The following IQGAP3 variants were observed in gnomAD, a reference collection of about 807,000 sequenced individuals.
IQGAP3 encodes ras GTPase-activating-like protein IQGAP3.
A neutral mutation model predicts 208.2 loss-of-function variants in IQGAP3; 165 were observed. The ratio of observed to expected loss-of-function variants is 0.79; its 90% CI spans 0.70 to 0.90. The LOEUF is 0.90. Among genes scored for constraint, IQGAP3 ranks in the 40% least tolerant of loss-of-function variants. IQGAP3 has a pLI of 0.00. For synonymous variants in IQGAP3, 703 were observed against 803.6 expected, an observed-to-expected ratio of 0.87 and a Z score of 2.12; for missense variants, 1,811 against 2,043.1, an observed-to-expected ratio of 0.89 and a Z score of 2.19.
intron 13 of IQGAP3, 34 bp downstream of exon 13, chr1:156,554,201 C>G: frequency 6.4e-7 from 1 of 1,567,154 alleles, no homozygotes. Flanking sequence ...TTCCCCCATC[C>G]CTCACTCCCA....
intron 13 of IQGAP3, among the ~76,000 whole-genome samples, chr1:156,553,259 A>G (rs1675647486): frequency 6.6e-6 from 1 of 152,094 alleles, no homozygotes; most frequent in Non-Finnish European, 1.5e-5. Flanking sequence ...CACTCAGAGT[A>G]AAAACCAGAG....
At chr1:156,555,905 T>A (rs1675801837) in intron 12 of IQGAP3, among the ~76,000 whole-genome samples, 1 of 152,266 alleles carries the variant, frequency 6.6e-6, no homozygotes, top group Non-Finnish European at 1.5e-5. Context: ...TCCTGAGGGC[T>A]GTGCCTGTAT....
At chr1:156,547,388 G>GACACACACACACACACACACACACACAC (rs61344699) in intron 19 of IQGAP3, among the ~76,000 whole-genome samples, 26 of 147,396 alleles carry the variant, frequency 1.8e-4, no homozygotes, top group Admixed American at 2.7e-4. Context: ...CAGACACACA[G>GACACACACACACACACACACACACACAC]ACACACACAC....
Position 156,544,228 on chromosome 1 carries a change from G to A in IQGAP3, c.2389-5C>T. On this transcript the variant is annotated splice_region_variant and splice_polypyrimidine_tract_variant and intron_variant, in intron 20 of 37. Transcript: ENST00000361170. ...CATCCGGGCCCAGGCCTGGATCTGG[G>A]AGAAGAAACACACTGCCTCAGCTCC... is the stretch of plus-strand genomic sequence containing the variant. 6.2e-7 allele frequency: 1 copy of A among 1,614,076 alleles called. No individual in the cohort carries two copies. The highest frequency in any genetic ancestry group is 2.2e-5 in the East Asian group (1 of 44,882).
chr1:156,553,181 A>C (rs568708016), intron 13 of IQGAP3, among the ~76,000 whole-genome samples: 3 of 152,038 alleles, frequency 2.0e-5, no homozygotes, highest in Admixed American at 2.0e-4. Flanking sequence ...GTCTCTAAAA[A>C]TAAAAAAAAA....
At chr1:156,564,756 G>C in intron 4 of IQGAP3, 65 bp from the exon 5 acceptor site, 1 of 1,136,888 alleles carries the variant, frequency 8.8e-7, no homozygotes, top group Non-Finnish European at 1.3e-6. Context: ...TGCGGAGAGG[G>C]GGTGCCGAGG....
chr1:156,534,823 C>CA, intron 28 of IQGAP3, 90 bp from the exon 29 acceptor site: 2 of 984,912 alleles, frequency 2.0e-6, no homozygotes, highest in Non-Finnish European at 2.9e-6. Flanking sequence ...CTGGAAGGGA[C>CA]ACCTGGGCCA....
intron 32 of IQGAP3, among the ~76,000 whole-genome samples, chr1:156,532,678 T>TCC (rs1378229006): frequency 6.6e-6 from 1 of 151,936 alleles, no homozygotes; most frequent in East Asian, 1.9e-4. Context: ...CGAGACTCTG[T>TCC]CTCTACTTGA....
At chr1:156,542,694 C>T (rs2102387851) in intron 22 of IQGAP3, among the ~76,000 whole-genome samples, 1 of 152,292 alleles carries the variant, frequency 6.6e-6, no homozygotes, top group Non-Finnish European at 1.5e-5. Flanking sequence ...AATCCCAGAA[C>T]TTTGGGCAGC....
chr1:156,556,931 C>CATGTAA lies in IQGAP3; in HGVS notation c.1130-239_1130-238insTTACAT, dbSNP rs768742842. On this transcript the variant is annotated intron_variant, in intron 11 of 37. Transcript: ENST00000361170. Reference sequence around the variant, plus strand: ...CAGGCCTAGAAATTGAGTAGCTCAGCCTCTGCCCCGCCGCCCTGTCTGGGA... The same window carrying CATGTAA: ...CAGGCCTAGAAATTGAGTAGCTCAGCATGTAACTCTGCCCCGCCGCCCTGTCTGGGA... Among the ~76,000 whole-genome samples the CATGTAA allele has an allele frequency of 5.6e-3, 367 of 65,748 alleles. 140 individuals carry two copies. Among genetic ancestry groups the CATGTAA allele is most frequent in the Middle Eastern group, 0.033 (4 of 120 alleles). The allele number at this position is 65,748 out of a possible 152,430, so 43.1% of individuals were successfully genotyped here.
chr1:156,528,829 A>G (rs1674239059), intron 35 of IQGAP3, 87 bp downstream of exon 35: 1 of 1,483,694 alleles, frequency 6.7e-7, no homozygotes, highest in East Asian at 2.3e-5. Context: ...TTCCCCTTTC[A>G]AAGCTGGGAG....
intron 24 of IQGAP3, 77 bp from the exon 25 acceptor site, chr1:156,539,614 C>T: frequency 6.8e-7 from 1 of 1,478,418 alleles, no homozygotes; most frequent in Non-Finnish European, 9.3e-7. Context: ...AAGGCTTTCC[C>T]CTGATGGAAA....
rs2102437888 is a variant in IQGAP3, at chr1:156,563,212, G to A, written c.720C>T (p.Leu240=). Residue 240 remains leucine, a synonymous_variant, in exon 8 of 38, where the codon CTC becomes CTT. Coordinates refer to ENST00000361170, the MANE Select transcript of IQGAP3 (RefSeq NM_178229.5). ...LQNPSALLEN[L]REPLAAVYQE... ...GGTAGACGGCTGCCAGAGGCTCTCG[G>A]AGATTCTCCAGAAGAGCACTGGGAT... The A allele has an allele frequency of 1.2e-6, 2 of 1,613,378 alleles. No individual in the cohort carries two copies. The highest frequency in any genetic ancestry group is 1.3e-5 in the African/African-American group (1 of 75,036).
At chr1:156,529,366 C>T (rs1674269065) in intron 34 of IQGAP3, among the ~76,000 whole-genome samples, 1 of 152,102 alleles carries the variant, frequency 6.6e-6, no homozygotes, top group African/African-American at 2.4e-5. Context: ...ATTGGGTTTT[C>T]ATGCTCTTGT....
In IQGAP3 at chr1:156,533,078, C is replaced by A; in HGVS notation, c.4005G>T (p.Thr1335=). 1 of 1,613,968 alleles carries A rather than the reference C, an allele frequency of 6.2e-7. No homozygotes were observed. Among genetic ancestry groups the A allele is most frequent in the Non-Finnish European group, 8.5e-7 (1 of 1,179,964 alleles). ...IGESIAADGH[T]DLSKLEVSLT... ...GGGACACTTCTAGCTTGCTCAGGTC[C>A]GTGTGCCCATCTGCAGCGATGCTCT... The change falls in exon 32 of 38, where the codon ACG becomes ACT. Residue 1335 remains threonine, a synonymous_variant. Transcript: ENST00000361170.
chr1:156,561,892 GTCTC>G lies in IQGAP3; in HGVS notation c.983_986del (p.Arg328ThrfsTer10). 2 of 1,614,062 alleles carry G rather than the reference GTCTC, an allele frequency of 1.2e-6. No homozygotes were observed. The highest frequency in any genetic ancestry group is 1.7e-6 in the Non-Finnish European group (2 of 1,180,010). ...GCTGCTCCAGGTACCAGTCAGCAAA[GTCTC>G]TCCTCACCCCTCGCAGGGCCAGGGC... On this transcript the variant is annotated frameshift_variant, in exon 10 of 38. Coordinates refer to ENST00000361170, the MANE Select transcript of IQGAP3 (RefSeq NM_178229.5). LOFTEE classifies it high-confidence loss of function.
chr1:156,541,042 T>A (rs1241838205), intron 22 of IQGAP3, 126 bp from the exon 23 acceptor site: 58 of 717,506 alleles, frequency 8.1e-5, no homozygotes, highest in Non-Finnish European at 9.2e-5. Context: ...CCAACCCCAG[T>A]CCTCTTCTAA....
intron 12 of IQGAP3, among the ~76,000 whole-genome samples, chr1:156,555,735 T>C (rs1275388017): frequency 6.6e-6 from 1 of 152,230 alleles, no homozygotes; most frequent in Non-Finnish European, 1.5e-5. Context: ...GAGAAAGTAA[T>C]TAACTTGCCC....
chr1:156,552,649 G>A (rs1615284), intron 13 of IQGAP3, among the ~76,000 whole-genome samples: 150,855 of 152,306 alleles, frequency 0.99, 74,724 homozygotes, highest in Middle Eastern at 1. Context: ...TCCCATCTCC[G>A]CTACCGCCCA....
Sources: allele counts gnomAD v4.1 joint callset (sites outside exome capture counted in the v4.1 genomes callset), GRCh38; gene constraint gnomAD v4.1.1; transcripts MANE v1.5; gene names NCBI Gene and HGNC (gene_info 2026-07-23, HGNC 2026-07-21).